The following PGM1 variants were observed in gnomAD, a reference collection of about 807,000 sequenced individuals.
PGM1 encodes phosphoglucomutase 1.
PGM1 carries 52 observed loss-of-function variants against 55.6 expected under a neutral mutation model. The observed-to-expected ratio is 0.94, with a 90% CI of 0.75 to 1.18. PGM1 has a LOEUF of 1.18. PGM1 is among the 50% of genes most tolerant of loss of function. The probability of loss-of-function intolerance (pLI) is 0.00; values close to 1 mark genes in which losing one functional copy is unlikely to be tolerated. For synonymous variants in PGM1, 287 were observed against 271.7 expected, an observed-to-expected ratio of 1.06 and a Z score of -0.55; for missense variants, 724 against 729.3, an observed-to-expected ratio of 0.99 and a Z score of 0.08.
intron 1 of PGM1, 84 bp downstream of exon 1, chr1:63,593,818 C>G: frequency 3.0e-6 from 4 of 1,336,334 alleles, no homozygotes; most frequent in Non-Finnish European, 1.9e-6. Flanking sequence ...CGCTCGGGGC[C>G]GGCCGCTTCC....
In PGM1 at chr1:63,654,365, A is replaced by G; in HGVS notation, c.1498A>G (p.Ile500Val). ...CCTCATTTTCACAGATGGTTCTCGA[A>G]TCGTCTTCCGACTGAGCGGCACTGG... ...LRLIFTDGSR[I>V]VFRLSGTGSA... is the part of the protein sequence containing the mutation. Residue 500 changes from isoleucine (I) to valine (V), a missense_variant, in exon 10 of 11, where the codon ATC (isoleucine) becomes GTC (valine). By Grantham distance (29) the Ile-to-Val change is conservative (BLOSUM62 3). Transcript: ENST00000371084. 6.2e-7 allele frequency: 1 copy of G among 1,614,094 alleles called. No homozygotes were observed. Among genetic ancestry groups the G allele is most frequent in the Non-Finnish European group, 8.5e-7 (1 of 1,179,936 alleles).
rs879120464 is a variant in PGM1, at chr1:63,638,607, C to T, written c.1029-78C>T. The T allele has an allele frequency of 1.3e-4, 120 of 893,068 alleles. 1 individual carries two copies. The highest frequency in any genetic ancestry group is 5.0e-4 in the South Asian group (38 of 76,696). 55.3% of individuals were successfully genotyped at this position (893,068 alleles called of 1,614,324 possible). A position where few individuals can be genotyped will look rare whatever the true frequency, so the allele number is the denominator to read the frequency against. ...TAAATGGGACCCTTGATTACAATAA[C>T]GATTGCCCTTTTCCGTCCCTCACAT... On this transcript the variant is annotated intron_variant, in intron 6 of 10. Coordinates refer to ENST00000371084, the MANE Select transcript of PGM1 (RefSeq NM_002633.3).
rs1335754381 is a variant in PGM1 at position 63,623,308 on chromosome 1, C to A, written c.247-6117C>A. The A allele has an allele frequency of 8.9e-6, 13 of 1,466,390 alleles. No individual in the cohort carries two copies. The Admixed American group carries it at 3.4e-4, about 39-fold the overall frequency. 90.8% of individuals were successfully genotyped at this position (1,466,390 alleles called of 1,614,324 possible). ...AGGGACAACAACAACAAGGAATTAA[C>A]CAAGCTTTCTCATTGAGAGTGATCG... On this transcript the variant is annotated intron_variant, in intron 1 of 10. Transcript: ENST00000371084.
At chr1:63,623,539 A>G (rs376491296) in intron 1 of PGM1, 14 of 1,612,668 alleles carry the variant, frequency 8.7e-6, no homozygotes, top group African/African-American at 1.3e-5. Context: ...GACTTTTGCT[A>G]CAGCTCCCTA....
chr1:63,623,641 A>G, intron 1 of PGM1: 1 of 1,612,496 alleles, frequency 6.2e-7, no homozygotes, highest in Non-Finnish European at 8.5e-7. Flanking sequence ...CATCCAGAGT[A>G]TATTCTTTTC....
chr1:63,599,737 G>A (rs1648184268), intron 1 of PGM1, among the ~76,000 whole-genome samples: 1 of 152,152 alleles, frequency 6.6e-6, no homozygotes, highest in South Asian at 2.1e-4. Context: ...GCTTCAGTGA[G>A]CTGTGATTGC....
At chr1:63,637,761 A>G (rs150204654) in intron 6 of PGM1, among the ~76,000 whole-genome samples, 2 of 152,318 alleles carry the variant, frequency 1.3e-5, no homozygotes, top group African/African-American at 4.8e-5. Flanking sequence ...AGAACAGTGT[A>G]ATTCCAATTT....
At chr1:63,629,908 C>T (rs773348647) in intron 2 of PGM1, 34 bp from the exon 3 acceptor site, 57 of 1,612,810 alleles carry the variant, frequency 3.5e-5, no homozygotes, top group South Asian at 2.5e-4. Flanking sequence ...GTGAGCTGCA[C>T]GAAGTAACCC....
intron 3 of PGM1, among the ~76,000 whole-genome samples, chr1:63,631,014 C>A (rs902670564): frequency 6.6e-6 from 1 of 152,142 alleles, no homozygotes; most frequent in African/African-American, 2.4e-5. Flanking sequence ...TTAAATTCTT[C>A]ATATTTTGAA....
chr1:63,649,366 A>T (rs895985016), intron 8 of PGM1, among the ~76,000 whole-genome samples: 16 of 152,216 alleles, frequency 1.1e-4, no homozygotes, highest in Admixed American at 2.6e-4. Flanking sequence ...GCATTAAAAA[A>T]TTTTTGACAG....
At chr1:63,597,057 CAT>C (rs979363429) in intron 1 of PGM1, among the ~76,000 whole-genome samples, 1 of 152,156 alleles carries the variant, frequency 6.6e-6, no homozygotes, top group African/African-American at 2.4e-5. Flanking sequence ...TTGGGAAAGA[CAT>C]AGTCTGGGAG....
At chr1:63,619,089 G>A (rs1648818983) in intron 1 of PGM1, among the ~76,000 whole-genome samples, 1 of 152,096 alleles carries the variant, frequency 6.6e-6, no homozygotes, top group Non-Finnish European at 1.5e-5. Context: ...TGTCTTTCTG[G>A]TTCAAGGGCT....
At chr1:63,636,563 C>G (rs1292281420) in intron 6 of PGM1, among the ~76,000 whole-genome samples, 175 bp downstream of exon 6, 2 of 152,190 alleles carry the variant, frequency 1.3e-5, no homozygotes, top group African/African-American at 2.4e-5. Flanking sequence ...TTCAATGCCC[C>G]TCTCCGCACT....
At chr1:63,621,610 T>C (rs1184273612) in intron 1 of PGM1, among the ~76,000 whole-genome samples, 1 of 152,216 alleles carries the variant, frequency 6.6e-6, no homozygotes, top group African/African-American at 2.4e-5. Context: ...AAACAGTGGT[T>C]ATGTAAACTG....
intron 1 of PGM1, among the ~76,000 whole-genome samples, chr1:63,620,978 G>A (rs1648865179): frequency 6.6e-6 from 1 of 152,144 alleles, no homozygotes; most frequent in African/African-American, 2.4e-5. Flanking sequence ...GCCCCACTTA[G>A]TCTGAGTGTC....
intron 1 of PGM1, chr1:63,594,096 T>C: frequency 9.7e-7 from 1 of 1,026,018 alleles, no homozygotes; most frequent in Non-Finnish European, 1.2e-6. Flanking sequence ...CCTTGCAGCC[T>C]TGGAAGATAC....
chr1:63,658,922 T>C (rs1464747100), intron 10 of PGM1, among the ~76,000 whole-genome samples: 1 of 152,176 alleles, frequency 6.6e-6, no homozygotes, highest in Non-Finnish European at 1.5e-5. Context: ...AGTCATGTCT[T>C]ACATGAATGG....
intron 7 of PGM1, 146 bp from the exon 8 acceptor site, chr1:63,648,371 T>C (rs1649709143): frequency 1.2e-6 from 1 of 828,036 alleles, no homozygotes; most frequent in Non-Finnish European, 2.0e-6. Context: ...GGGGGAACTT[T>C]GTCCCCCATG....
intron 1 of PGM1, among the ~76,000 whole-genome samples, chr1:63,600,927 C>A (rs1051297002): frequency 1.3e-5 from 2 of 152,106 alleles, no homozygotes; most frequent in South Asian, 2.1e-4. Flanking sequence ...CAACATTGAT[C>A]AAATATTTAA....
Sources: gnomAD v4.1 joint callset for allele counts (sites outside exome capture counted in the v4.1 genomes callset) on GRCh38, gnomAD v4.1.1 for gene constraint, MANE v1.5 for transcripts, NCBI Gene and HGNC (gene_info 2026-07-23, HGNC 2026-07-21) for gene names.